C3orf20: variants seen among roughly 807,000 people sequenced by gnomAD.
C3orf20 encodes uncharacterized protein C3orf20.
Under a neutral mutation model 88.3 loss-of-function variants are expected in C3orf20, and 76 were observed. The ratio of observed to expected loss-of-function variants is 0.86; its 90% CI spans 0.72 to 1.04. The LOEUF is 1.04. Among genes scored for constraint, C3orf20 ranks in the 50% least tolerant of loss-of-function variants. The pLI, the probability that C3orf20 is intolerant of heterozygous loss-of-function variation, is 0.00. For missense variants in C3orf20, 1,056 were observed against 1,123.3 expected (o/e 0.94, Z 0.86); for synonymous variants, 436 against 437.4 (o/e 1.00, Z 0.04).
Position 14,772,208 on chromosome 3 carries a change from G to A in C3orf20, c.2630+7G>A. 1 of 1,614,210 alleles carries A rather than the reference G, an allele frequency of 6.2e-7. No homozygotes were observed. Among genetic ancestry groups the A allele is most frequent in the South Asian group, 1.1e-5 (1 of 91,070 alleles). On this transcript the variant is annotated splice_region_variant and intron_variant, in intron 16 of 16. Transcript: ENST00000253697. This position sits in a 1 kb window ranked among gnomAD's most constrained non-coding sequence, Gnocchi z 4.2. Reference sequence around the variant, plus strand: ...TATCTCTGGAGGCTGAGAAGTAGGTGACCACATCAGCTGCCAGAATGGGCG... The same window carrying A: ...TATCTCTGGAGGCTGAGAAGTAGGTAACCACATCAGCTGCCAGAATGGGCG...
chr3:14,719,355 C>T (rs191591850), intron 9 of C3orf20, among the ~76,000 whole-genome samples: 3 of 151,978 alleles, frequency 2.0e-5, no homozygotes, highest in East Asian at 1.9e-4. Flanking sequence ...TTAAAAATAG[C>T]GGCAATATTT....
intron 12 of C3orf20, among the ~76,000 whole-genome samples, chr3:14,730,496 G>T (rs2034506220): frequency 6.6e-6 from 1 of 152,116 alleles, no homozygotes; most frequent in African/African-American, 2.4e-5. Context: ...GCAGTGAGCC[G>T]AGATCCTGCC....
chr3:14,748,607 T>C (rs1259157170), intron 12 of C3orf20, among the ~76,000 whole-genome samples: 1 of 152,206 alleles, frequency 6.6e-6, no homozygotes, highest in Non-Finnish European at 1.5e-5. Context: ...TATTCCTGAC[T>C]GTTGCTCTCA....
chr3:14,702,305 A>G (rs376541111), intron 5 of C3orf20, among the ~76,000 whole-genome samples: 122 of 152,246 alleles, frequency 8.0e-4, no homozygotes, highest in African/African-American at 2.6e-3. Flanking sequence ...CCATGATTCA[A>G]TTACCTCCCC....
chr3:14,767,865 T>C (rs940876639), intron 15 of C3orf20, among the ~76,000 whole-genome samples: 1 of 152,226 alleles, frequency 6.6e-6, no homozygotes, highest in African/African-American at 2.4e-5. Flanking sequence ...CTCTCTAAAC[T>C]GTAATGCACC....
intron 7 of C3orf20, among the ~76,000 whole-genome samples, chr3:14,709,876 A>G (rs564197013): frequency 1.3e-5 from 2 of 152,202 alleles, no homozygotes; most frequent in Non-Finnish European, 2.9e-5. Flanking sequence ...CCCTGGCCTC[A>G]TAGAATGAGT....
chr3:14,690,718 G>A (rs546211260), intron 5 of C3orf20, among the ~76,000 whole-genome samples: 20 of 152,376 alleles, frequency 1.3e-4, no homozygotes, highest in African/African-American at 4.8e-4. Context: ...ACAGGCTGGG[G>A]CTGCAGACAA....
chr3:14,716,215 C>T lies in C3orf20; in HGVS notation c.1434+806C>T, dbSNP rs915396209. On this transcript the variant is annotated intron_variant, in intron 9 of 16. Coordinates refer to ENST00000253697, the MANE Select transcript of C3orf20 (RefSeq NM_032137.5). The stretch of plus-strand genomic sequence containing the variant: ...GGCAAAATTGCCCCCAGTTGAGAAT[C>T]ACCAATCAGAGATTGGAAGGAGAAA... Among the ~76,000 whole-genome samples, 5 of 152,286 alleles carry T rather than the reference C, an allele frequency of 3.3e-5. No individual in the cohort carries two copies. The South Asian group carries it at 8.3e-4, about 25-fold the overall frequency.
chr3:14,768,848 G>T lies in C3orf20; in HGVS notation c.2496-3219G>T, dbSNP rs893568174. Among the ~76,000 whole-genome samples, 4 of 151,996 alleles carry T rather than the reference G, an allele frequency of 2.6e-5. No homozygotes were observed. The highest frequency in any genetic ancestry group is 7.3e-5 in the African/African-American group (3 of 41,304). On this transcript the variant is annotated intron_variant, in intron 15 of 16. Coordinates refer to ENST00000253697, the MANE Select transcript of C3orf20 (RefSeq NM_032137.5). This position sits in a 1 kb window ranked among gnomAD's most constrained non-coding sequence, Gnocchi z 4.1. The stretch of plus-strand genomic sequence containing the variant: ...TTGAAATTCCTGGAGGGACTGGCCT[G>T]TTGCAAAGCCCCCGATGGTCTTTTT...
rs1279954892 is a variant in C3orf20, at chr3:14,705,817, C to T, written c.1160+1199C>T. Among the ~76,000 whole-genome samples, 6 of 152,150 alleles carry T rather than the reference C, an allele frequency of 3.9e-5. No homozygotes were observed. The South Asian group carries it at 8.3e-4, about 21-fold the overall frequency. On this transcript the variant is annotated intron_variant, in intron 7 of 16. Coordinates refer to ENST00000253697, the MANE Select transcript of C3orf20 (RefSeq NM_032137.5). The stretch of plus-strand genomic sequence containing the variant: ...GTTTCTGCCCCTTCACTGTAGAAAT[C>T]GGAAAACTGAGACCCAAAGGCATGG...
chr3:14,703,288 G>A (rs369031093), intron 6 of C3orf20, 26 bp downstream of exon 6: 215 of 1,612,946 alleles, frequency 1.3e-4, no homozygotes, highest in Non-Finnish European at 1.6e-4. Flanking sequence ...CTTGGGTCGG[G>A]GGAGTCAAGG....
intron 5 of C3orf20, among the ~76,000 whole-genome samples, chr3:14,695,470 C>T (rs767447916): frequency 6.6e-6 from 1 of 152,006 alleles, no homozygotes; most frequent in Non-Finnish European, 1.5e-5. Context: ...ATTTTGCAGC[C>T]ATTGCATGAA....
intron 5 of C3orf20, among the ~76,000 whole-genome samples, chr3:14,694,488 A>G (rs2032879781): frequency 6.6e-6 from 1 of 152,146 alleles, no homozygotes; most frequent in African/African-American, 2.4e-5. Flanking sequence ...GTTGCTCATA[A>G]TAGGGACTAA....
At chr3:14,726,163 G>A (rs909849503) in intron 10 of C3orf20, among the ~76,000 whole-genome samples, 6 of 152,252 alleles carry the variant, frequency 3.9e-5, no homozygotes, top group African/African-American at 7.2e-5. Flanking sequence ...CCCCTTTGAC[G>A]GTCTGAAGGA....
At chr3:14,726,399 G>T (rs537803432) in intron 10 of C3orf20, among the ~76,000 whole-genome samples, 1 of 152,324 alleles carries the variant, frequency 6.6e-6, no homozygotes, top group South Asian at 2.1e-4. Flanking sequence ...GGCTCCTGGG[G>T]GATGCACCGC....
At position 14,687,758 on chromosome 3, in the gene C3orf20, C is replaced by T. The variant is rs117849911; in HGVS notation, c.626-2239C>T. Among the ~76,000 whole-genome samples the T allele has an allele frequency of 4.7e-4, 72 of 152,300 alleles. No individual in the cohort carries two copies. The East Asian group carries it at 0.012, about 25-fold the overall frequency. On this transcript the variant is annotated intron_variant, in intron 4 of 16. Coordinates refer to ENST00000253697, the MANE Select transcript of C3orf20 (RefSeq NM_032137.5). Reference sequence around the variant, plus strand: ...CCTTCTGATAAAGTGTTTCAGCATTCTTTCAGGATGAGGGAGGCACAGTGG... The same window carrying T: ...CCTTCTGATAAAGTGTTTCAGCATTTTTTCAGGATGAGGGAGGCACAGTGG...
intron 5 of C3orf20, among the ~76,000 whole-genome samples, chr3:14,699,112 A>T (rs1025332536): frequency 1.3e-5 from 2 of 151,462 alleles, no homozygotes; most frequent in Non-Finnish European, 2.9e-5. Flanking sequence ...AGGTCCAAGG[A>T]CTCTTCAGTT....
intron 11 of C3orf20, 115 bp from the exon 12 acceptor site, chr3:14,728,324 G>A (rs1005521502): frequency 4.6e-5 from 57 of 1,240,272 alleles, no homozygotes; most frequent in African/African-American, 4.6e-4. Flanking sequence ...CAATGAGAGC[G>A]GAGGGGAGGA....
At position 14,728,507 on chromosome 3, in the gene C3orf20, A is replaced by C; in HGVS notation, c.1759A>C (p.Arg587=). Residue 587 remains arginine, a synonymous_variant, in exon 12 of 17, where the codon AGA becomes CGA. Coordinates refer to ENST00000253697, the MANE Select transcript of C3orf20 (RefSeq NM_032137.5). ...EEFVRFKMRS[R]THPERLPKLS... Reference sequence around the variant, plus strand: ...ATTTGTTCGGTTCAAGATGAGATCCAGAACTCATCCCGAGCGGCTCCCCAA... The same window carrying C: ...ATTTGTTCGGTTCAAGATGAGATCCCGAACTCATCCCGAGCGGCTCCCCAA... 1 of 1,614,156 alleles carries C rather than the reference A, an allele frequency of 6.2e-7. No homozygotes were observed. Among genetic ancestry groups the C allele is most frequent in the African/African-American group, 1.3e-5 (1 of 75,068 alleles).
Sources: allele counts gnomAD v4.1 joint callset (sites outside exome capture counted in the v4.1 genomes callset), GRCh38; gene constraint gnomAD v4.1.1; non-coding constraint Gnocchi (gnomAD v3.1); transcripts MANE v1.5; gene names NCBI Gene and HGNC (gene_info 2026-07-23, HGNC 2026-07-21).